The following NLGN4Y variants were observed in gnomAD, a reference collection of about 807,000 sequenced individuals.
The protein encoded by NLGN4Y is neuroligin 4 Y-linked, also known as neuroligin-4, Y-linked.
NLGN4Y carries 4 observed loss-of-function variants against 8.4 expected under a neutral mutation model. The observed-to-expected ratio is 0.48, with a 90% CI of 0.23 to 1.09. The LOEUF is 1.09. NLGN4Y is among the 50% of genes least tolerant of loss of function. NLGN4Y has a pLI of 0.19. For missense variants in NLGN4Y, 90 were observed against 192.3 expected (o/e 0.47, Z 3.15); for synonymous variants, 35 against 75.6 (o/e 0.46, Z 2.78).
chrY:14,635,198 A>C, intron 2 of NLGN4Y, among the ~76,000 whole-genome samples: 1 of 33,642 alleles, frequency 3.0e-5, no homozygotes, highest in Non-Finnish European at 7.3e-5. Flanking sequence ...GATGCTATTG[A>C]TCTCCTAATC....
intron 2 of NLGN4Y, among the ~76,000 whole-genome samples, chrY:14,669,438 T>C (rs2080703095): frequency 3.0e-5 from 1 of 33,863 alleles, no homozygotes; most frequent in Non-Finnish European, 7.3e-5. Flanking sequence ...GCATTATATA[T>C]TCTTTTTTAT....
intron 1 of NLGN4Y, among the ~76,000 whole-genome samples, chrY:14,550,725 G>A (rs760194895): frequency 1.1e-3 from 36 of 33,970 alleles, no homozygotes; most frequent in Admixed American, 3.2e-3. Context: ...TTTGATTGTA[G>A]GGTTTCTGCA....
At chrY:14,728,051 T>G in intron 4 of NLGN4Y, among the ~76,000 whole-genome samples, 1 of 34,016 alleles carries the variant, frequency 2.9e-5, no homozygotes, top group African/African-American at 1.1e-4. Context: ...TGTTGTTGTT[T>G]GGTTCATTGT....
At chrY:14,641,474 G>A in intron 2 of NLGN4Y, among the ~76,000 whole-genome samples, 1 of 33,215 alleles carries the variant, frequency 3.0e-5, no homozygotes, top group Non-Finnish European at 7.4e-5. Context: ...CACAATCCAA[G>A]ACAGAAGCAT....
rs776389790 is a variant in NLGN4Y, at chrY:14,721,775, T to TACAC, written c.533-1311_533-1308dup. On this transcript the variant is annotated intron_variant, in intron 3 of 6. Coordinates refer to ENST00000684976, the MANE Select transcript of NLGN4Y (RefSeq NM_001365588.1). The stretch of plus-strand genomic sequence containing the variant: ...AACAAAGATATTTAAATTATTTGTA[T>TACAC]ACACACACACACACACACACACACA... 2.0e-3 allele frequency among the ~76,000 whole-genome samples: 52 copies of TACAC among 26,496 alleles called. No homozygotes were observed. In the East Asian group the frequency reaches 0.026, roughly 13 times the overall value. 71.1% of individuals were successfully genotyped at this position (26,496 alleles called of 37,273 possible).
chrY:14,709,366 C>G (rs2080892871), intron 2 of NLGN4Y, among the ~76,000 whole-genome samples: 1 of 33,649 alleles, frequency 3.0e-5, no homozygotes, highest in African/African-American at 1.2e-4. Flanking sequence ...CAACCTATCT[C>G]TATCTAATCA....
intron 2 of NLGN4Y, among the ~76,000 whole-genome samples, chrY:14,666,660 A>G: frequency 3.0e-5 from 1 of 33,077 alleles, no homozygotes. Context: ...AGTGACATGG[A>G]TTATTTCTTA....
At chrY:14,611,380 T>C in intron 1 of NLGN4Y, among the ~76,000 whole-genome samples, 1 of 21,036 alleles carries the variant, frequency 4.8e-5, no homozygotes, top group Middle Eastern at 0.029. Flanking sequence ...AGCTGATATC[T>C]TTTTTTTTTT....
intron 1 of NLGN4Y, among the ~76,000 whole-genome samples, chrY:14,594,293 G>T: frequency 3.0e-5 from 1 of 33,555 alleles, no homozygotes; most frequent in African/African-American, 1.2e-4. Flanking sequence ...CTGGGGCAGT[G>T]CACCTTCCAG....
chrY:14,718,997 C>T (rs2080925025), intron 2 of NLGN4Y, among the ~76,000 whole-genome samples: 1 of 32,973 alleles, frequency 3.0e-5, no homozygotes, highest in Non-Finnish European at 7.5e-5. Flanking sequence ...CTTTTGCTTG[C>T]CTTATGAAAA....
At chrY:14,758,826 G>T (rs2081071243) in intron 4 of NLGN4Y, among the ~76,000 whole-genome samples, 1 of 33,531 alleles carries the variant, frequency 3.0e-5, no homozygotes, top group African/African-American at 1.2e-4. Flanking sequence ...TAGACACAAG[G>T]TTTCACCATG....
chrY:14,699,298 C>A (rs2080841752), intron 2 of NLGN4Y, among the ~76,000 whole-genome samples: 1 of 33,402 alleles, frequency 3.0e-5, no homozygotes, highest in Non-Finnish European at 7.4e-5. Flanking sequence ...TTTCTTAAAA[C>A]ATTGTGAGTT....
chrY:14,784,123 GA>G, intron 4 of NLGN4Y, among the ~76,000 whole-genome samples: 16 of 33,642 alleles, frequency 4.8e-4, no homozygotes, highest in Admixed American at 4.3e-3. Context: ...TTTGTGACTT[GA>G]AAATGCTCTG....
chrY:14,709,077 G>A, intron 2 of NLGN4Y, among the ~76,000 whole-genome samples: 1 of 33,276 alleles, frequency 3.0e-5, no homozygotes, highest in Non-Finnish European at 7.4e-5. Context: ...AAGCTACATA[G>A]TGTCAGTGTC....
At chrY:14,543,166 A>G in intron 1 of NLGN4Y, among the ~76,000 whole-genome samples, 1 of 33,870 alleles carries the variant, frequency 3.0e-5, no homozygotes, top group Middle Eastern at 0.013. Flanking sequence ...GCTGTAAAAT[A>G]TAGGAACCAT....
At chrY:14,709,542 ACC>A (rs2080893616) in intron 2 of NLGN4Y, among the ~76,000 whole-genome samples, 5 of 32,999 alleles carry the variant, frequency 1.5e-4, no homozygotes. Context: ...GTGAAACCTC[ACC>A]TCTATTAAAA....
chrY:14,726,609 C>G, intron 4 of NLGN4Y, among the ~76,000 whole-genome samples: 1 of 33,152 alleles, frequency 3.0e-5, no homozygotes, highest in African/African-American at 1.2e-4. Flanking sequence ...TTAATTTACA[C>G]TGGAATTTTT....
At chrY:14,800,561 A>G (rs2043026858) in intron 4 of NLGN4Y, among the ~76,000 whole-genome samples, 1 of 30,403 alleles carries the variant, frequency 3.3e-5, no homozygotes. Context: ...GTTAGGTTAG[A>G]GATATAAAGA....
chrY:14,585,331 G>A (rs2080336187), intron 1 of NLGN4Y, among the ~76,000 whole-genome samples: 1 of 33,085 alleles, frequency 3.0e-5, no homozygotes, highest in Admixed American at 2.7e-4. Flanking sequence ...TATACATGCT[G>A]TGTACCCACA....
Sources: allele counts gnomAD v4.1 joint callset (sites outside exome capture counted in the v4.1 genomes callset), GRCh38; gene constraint gnomAD v4.1.1; transcripts MANE v1.5; gene names NCBI Gene and HGNC (gene_info 2026-07-23, HGNC 2026-07-21).